Variants in CRABP2 observed in about 807,000 individuals in gnomAD.
CRABP2 encodes the protein cellular retinoic acid binding protein 2.
In CRABP2, 20 loss-of-function variants were observed where a neutral mutation model predicts 17.9. That is an observed-to-expected ratio of 1.12 (90% CI 0.79 to 1.63). The LOEUF (loss-of-function observed/expected upper bound fraction) is 1.63. CRABP2 is among the 40% of genes most tolerant of loss of function. The pLI is 0.00. For missense variants in CRABP2, 151 were observed against 168.6 expected (o/e 0.90, Z 0.58); for synonymous variants, 76 against 66.4 (o/e 1.14, Z -0.70).
intron 1 of CRABP2, among the ~76,000 whole-genome samples, chr1:156,702,635 G>A (rs574483818): frequency 6.6e-6 from 1 of 151,804 alleles, no homozygotes; most frequent in African/African-American, 2.4e-5. Context: ...AGCCAGGCAT[G>A]GTGGCACATG....
At chr1:156,703,508 G>C (rs1648102050) in intron 1 of CRABP2, among the ~76,000 whole-genome samples, 2 of 152,228 alleles carry the variant, frequency 1.3e-5, no homozygotes, top group Admixed American at 1.3e-4. Flanking sequence ...CTAGGCGGGG[G>C]TGAAAGGGCC....
chr1:156,703,031 TAAAAAAAAAA>T, intron 1 of CRABP2, among the ~76,000 whole-genome samples: 1 of 86,184 alleles, frequency 1.2e-5, no homozygotes, highest in South Asian at 4.2e-4. Flanking sequence ...ACCCTACCAC[TAAAAAAAAAA>T]AAAAAAAAAA....
chr1:156,705,394 T>A lies in CRABP2; in HGVS notation c.53A>T (p.Glu18Val), dbSNP rs1430849802. The A allele has an allele frequency of 6.2e-7, 1 of 1,613,880 alleles. No individual in the cohort carries two copies. Among genetic ancestry groups the A allele is most frequent in the Non-Finnish European group, 8.5e-7 (1 of 1,179,952 alleles). ...WKIIRSENFE[E>V]LLKVLGVNVM... ...TTCCTTACCCAGCACTTTGAGCAAT[T>A]CCTCGAAGTTTTCCGATCGGATGAT... Residue 18 changes from glutamate to valine, a missense_variant, in exon 1 of 4, where the codon GAA becomes GTA. Glu to Val is a moderately radical substitution (Grantham distance 121, BLOSUM62 -2). Transcript: ENST00000368222. This position sits in a 1 kb window ranked among gnomAD's most constrained non-coding sequence, Gnocchi z 5.2.
chr1:156,705,276 G>T lies in CRABP2; in HGVS notation c.70+101C>A. ...TTTTTCGGGGATGCAGGCACCCAGT[G>T]TCTCACGCCCTGATTGTGGTCCCGC... On this transcript the variant is annotated intron_variant, in intron 1 of 3. Transcript: ENST00000368222. This position sits in a 1 kb window ranked among gnomAD's most constrained non-coding sequence, Gnocchi z 5.2. The T allele has an allele frequency of 1.5e-6, 2 of 1,310,666 alleles. No individual in the cohort carries two copies. The highest frequency in any genetic ancestry group is 1.1e-6 in the Non-Finnish European group (1 of 908,524). The allele number at this position is 1,310,666 out of a possible 1,614,324, so 81.2% of individuals were successfully genotyped here.
chr1:156,700,918 C>T lies in CRABP2; in HGVS notation c.205G>A (p.Gly69Arg). The T allele has an allele frequency of 6.2e-7, 1 of 1,614,164 alleles. No homozygotes were observed. The highest frequency in any genetic ancestry group is 8.5e-7 in the Non-Finnish European group (1 of 1,180,014). ...ACAGTCTGCTCCTCAAACTCCTCCC[C>T]AACCTTGAAGTTAATCTCTGTGGTG... Reference protein sequence around the residue: ...VRTTEINFKVGEEFEEQTVDG... With the variant: ...VRTTEINFKVREEFEEQTVDG... The change falls in exon 2 of 4, where the codon GGG becomes AGG. Residue 69 changes from glycine to arginine, a missense_variant. By Grantham distance (125) the Gly-to-Arg change is moderately radical. Coordinates refer to ENST00000368222, the MANE Select transcript of CRABP2 (RefSeq NM_001878.4).
chr1:156,699,726 C>T lies in CRABP2; in HGVS notation c.*300G>A. On this transcript the variant is annotated 3_prime_UTR_variant, in exon 4 of 4. Transcript: ENST00000368222. ...TTTCCTGCTCAGGCCCTCAAGTCCC[C>T]TTTAGAGAGACCCTGCTCTGGGCTG... 2.4e-6 allele frequency: 1 copy of T among 423,102 alleles called. No individual in the cohort carries two copies. The highest frequency in any genetic ancestry group is 4.3e-6 in the Non-Finnish European group (1 of 232,058). The allele number at this position is 423,102 out of a possible 1,614,324, so 26.2% of individuals were successfully genotyped here. A position where few individuals can be genotyped will look rare whatever the true frequency, so the allele number is the denominator to read the frequency against.
At chr1:156,702,150 C>G (rs1318282197) in intron 1 of CRABP2, among the ~76,000 whole-genome samples, 1 of 151,812 alleles carries the variant, frequency 6.6e-6, no homozygotes, top group African/African-American at 2.4e-5. Flanking sequence ...GACCCTGTCT[C>G]AAAAACAAAA....
chr1:156,700,677 C>T lies in CRABP2; in HGVS notation c.250-19G>A. The T allele has an allele frequency of 6.2e-7, 1 of 1,607,104 alleles. No individual in the cohort carries two copies. Among genetic ancestry groups the T allele is most frequent in the South Asian group, 1.1e-5 (1 of 90,936 alleles). On this transcript the variant is annotated intron_variant, in intron 2 of 3. Coordinates refer to ENST00000368222, the MANE Select transcript of CRABP2 (RefSeq NM_001878.4). ...CCAGGCTCTGCAAGAGACAGGTGGC[C>T]AAGTGAGCTGGGCCCATAGCAGGGG...
In CRABP2 at chr1:156,700,900, G is replaced by A. The variant is rs750232968; in HGVS notation, c.223C>T (p.Gln75Ter). 28 of 1,613,930 alleles carry A rather than the reference G, an allele frequency of 1.7e-5. No homozygotes were observed. The highest frequency in any genetic ancestry group is 2.3e-5 in the Non-Finnish European group (27 of 1,179,962). ...TTACAGGGCCTCCCATCCACAGTCT[G>A]CTCCTCAAACTCCTCCCCAACCTTG... is the stretch of plus-strand genomic sequence containing the variant. ...NFKVGEEFEE[Q>*]TVDGRPCKSL... The change falls in exon 2 of 4, where the codon CAG becomes TAG. Residue 75 changes from glutamine to a stop codon, truncating the protein, a stop_gained. Coordinates refer to ENST00000368222, the MANE Select transcript of CRABP2 (RefSeq NM_001878.4). LOFTEE classifies it high-confidence loss of function.
intron 2 of CRABP2, 30 bp downstream of exon 2, chr1:156,700,844 C>T: frequency 6.2e-7 from 1 of 1,606,830 alleles, no homozygotes; most frequent in Non-Finnish European, 8.5e-7. Flanking sequence ...GCAATGACGC[C>T]ATGACCCTGG....
rs1328694464 is a variant in CRABP2, at chr1:156,701,976, C to G, written c.71-924G>C. On this transcript the variant is annotated intron_variant, in intron 1 of 3. Transcript: ENST00000368222. ...CAACATGCTGAAACCCCGACTCTACCAAAAAAAAAAAAAAGCCAGGGCTGG... is the reference window on the plus strand; with the variant it reads ...CAACATGCTGAAACCCCGACTCTACGAAAAAAAAAAAAAAGCCAGGGCTGG... Among the ~76,000 whole-genome samples the G allele has an allele frequency of 2.3e-5, 3 of 132,550 alleles. No homozygotes were observed. In the Admixed American group the frequency reaches 2.3e-4, roughly 10 times the overall value. 87.0% of individuals were successfully genotyped at this position (132,550 alleles called of 152,430 possible).
In CRABP2 at chr1:156,700,492, T is replaced by C. The variant is rs1187748105; in HGVS notation, c.366+50A>G. The stretch of plus-strand genomic sequence containing the variant: ...GCACCCTGGGGTCTCCCAGAGAATC[T>C]TGGAAGGTAGCACTGGGTTTGCTAT... On this transcript the variant is annotated intron_variant, in intron 3 of 3. Coordinates refer to ENST00000368222, the MANE Select transcript of CRABP2 (RefSeq NM_001878.4). The C allele has an allele frequency of 2.7e-6, 4 of 1,456,434 alleles. No individual in the cohort carries two copies. In the East Asian group the frequency reaches 9.1e-5, roughly 33 times the overall value. 90.2% of individuals were successfully genotyped at this position (1,456,434 alleles called of 1,614,324 possible). A position where few individuals can be genotyped will look rare whatever the true frequency, so the allele number is the denominator to read the frequency against.
chr1:156,704,269 G>A (rs1360383982), intron 1 of CRABP2, among the ~76,000 whole-genome samples: 2 of 152,206 alleles, frequency 1.3e-5, no homozygotes, highest in Admixed American at 6.5e-5. Flanking sequence ...GGAGATCCCT[G>A]CTCTCTCTGC....
At chr1:156,705,782 G>C, upstream of CRABP2, 1 of 275,156 alleles carries the variant, frequency 3.6e-6, no homozygotes, top group Non-Finnish European at 6.9e-6. This position sits in a 1 kb window ranked among gnomAD's most constrained non-coding sequence, Gnocchi z 5.2. Context: ...CTAGTAAGTG[G>C]ATGGGGAAGC....
In CRABP2 at chr1:156,700,914, T is replaced by C; in HGVS notation, c.209A>G (p.Glu70Gly). The change falls in exon 2 of 4, where the codon GAG becomes GGG. Residue 70 changes from glutamate to glycine, a missense_variant. Transcript: ENST00000368222. ...ATCCACAGTCTGCTCCTCAAACTCCTCCCCAACCTTGAAGTTAATCTCTGT... is the reference window on the plus strand; with the variant it reads ...ATCCACAGTCTGCTCCTCAAACTCCCCCCCAACCTTGAAGTTAATCTCTGT... ...RTTEINFKVG[E>G]EFEEQTVDGR... 2 of 1,614,022 alleles carry C rather than the reference T, an allele frequency of 1.2e-6. No individual in the cohort carries two copies. Among genetic ancestry groups the C allele is most frequent in the Middle Eastern group, 1.7e-4 (1 of 6,058 alleles).
At position 156,699,610 on chromosome 1, in the gene CRABP2, A is replaced by G. The variant is rs1647964991; in HGVS notation, c.*416T>C. ...GCCCAATGAGCCAGAGACAGGTTTT[A>G]TTTTTTTAAAGCATTTTAATAAAAT... is the stretch of plus-strand genomic sequence containing the variant. On this transcript the variant is annotated 3_prime_UTR_variant, in exon 4 of 4. Transcript: ENST00000368222. 6.3e-6 allele frequency: 1 copy of G among 159,258 alleles called. No individual in the cohort carries two copies. The highest frequency in any genetic ancestry group is 2.0e-4 in the South Asian group (1 of 5,052). 9.9% of individuals were successfully genotyped at this position (159,258 alleles called of 1,614,324 possible).
chr1:156,699,905 G>T lies in CRABP2; in HGVS notation c.*121C>A. ...GCAAGAGGCATCCCAGTGACCCCCA[G>T]AAGTGACTGGGGTAAGGGGAGCGCT... On this transcript the variant is annotated 3_prime_UTR_variant, in exon 4 of 4. Transcript: ENST00000368222. 2 of 1,040,836 alleles carry T rather than the reference G, an allele frequency of 1.9e-6. No individual in the cohort carries two copies. The highest frequency in any genetic ancestry group is 1.4e-6 in the Non-Finnish European group (1 of 697,580). 64.5% of individuals were successfully genotyped at this position (1,040,836 alleles called of 1,614,324 possible).
chr1:156,701,010 G>C lies in CRABP2; in HGVS notation c.113C>G (p.Ser38Cys). ...MLRKIAVAAA[S>C]KPAVEIKQEG... Reference sequence around the variant, plus strand: ...CTGTTTGATCTCCACTGCTGGCTTGGACGCTGCAGCCACAGCAATCTTCCT... The same window carrying C: ...CTGTTTGATCTCCACTGCTGGCTTGCACGCTGCAGCCACAGCAATCTTCCT... Residue 38 changes from serine (S) to cysteine (C), a missense_variant, in exon 2 of 4, where the codon TCC becomes TGC. Physicochemically the swap from Ser to Cys is moderately radical, Grantham distance 112. Transcript: ENST00000368222. 1 of 1,614,174 alleles carries C rather than the reference G, an allele frequency of 6.2e-7. No individual in the cohort carries two copies. The highest frequency in any genetic ancestry group is 8.5e-7 in the Non-Finnish European group (1 of 1,180,034).
chr1:156,701,948 G>A (rs1002223841), intron 1 of CRABP2, among the ~76,000 whole-genome samples: 1 of 151,830 alleles, frequency 6.6e-6, no homozygotes, highest in Admixed American at 6.6e-5. Context: ...ATACCAGCCT[G>A]GGCAACATGC....
Sources: allele counts gnomAD v4.1 joint callset (sites outside exome capture counted in the v4.1 genomes callset), GRCh38; gene constraint gnomAD v4.1.1; non-coding constraint Gnocchi (gnomAD v3.1); transcripts MANE v1.5; gene names NCBI Gene and HGNC (gene_info 2026-07-23, HGNC 2026-07-21).